Variants in TEX26 observed in about 807,000 individuals in gnomAD.
TEX26 encodes testis-expressed protein 26.
Under a neutral mutation model 35.3 loss-of-function variants are expected in TEX26, and 34 were observed. That is an observed-to-expected ratio of 0.96 (90% CI 0.73 to 1.28). TEX26 has a LOEUF of 1.28. Ranked by LOEUF, TEX26 falls within the 50% of genes most tolerant of loss-of-function variation. TEX26 has a pLI of 0.00. For synonymous variants in TEX26, 136 were observed against 111.8 expected (o/e 1.22, Z -1.36); for missense variants, 371 against 330.1 (o/e 1.12, Z -0.96).
rs1954628689 is a variant in TEX26 at position 30,968,940 on chromosome 13, C to A, written c.702C>A (p.Thr234=). The change falls in exon 6 of 7, where the codon ACC becomes ACA. Residue 234 remains threonine (T), a synonymous_variant. Coordinates refer to ENST00000380473, the MANE Select transcript of TEX26 (RefSeq NM_152325.3). ...LRNQEHTKKQ[T]TYQSDYDKTY... is the part of the protein sequence containing the mutation. ...ACCAAGAGCACACAAAGAAACAGAC[C>A]ACATACCAAAGTGACTACGACAAAA... 1.2e-6 allele frequency: 2 copies of A among 1,613,940 alleles called. No individual in the cohort carries two copies. The highest frequency in any genetic ancestry group is 1.3e-5 in the African/African-American group (1 of 74,900).
At chr13:30,963,240 T>C (rs1593596591) in intron 4 of TEX26, among the ~76,000 whole-genome samples, 1 of 152,248 alleles carries the variant, frequency 6.6e-6, no homozygotes, top group East Asian at 1.9e-4. Flanking sequence ...GGCTAAACCA[T>C]TCCAGTTTTA....
At chr13:30,954,083 A>G (rs1040728047) in intron 3 of TEX26, among the ~76,000 whole-genome samples, 1 of 152,102 alleles carries the variant, frequency 6.6e-6, no homozygotes, top group African/African-American at 2.4e-5. Context: ...AGTTGAAGAC[A>G]TGTTGGTTGA....
chr13:30,955,862 G>T (rs1335003395), intron 3 of TEX26, among the ~76,000 whole-genome samples: 11 of 152,132 alleles, frequency 7.2e-5, no homozygotes, highest in Non-Finnish European at 1.0e-4. Context: ...GAGTGCAGGT[G>T]CGGTGGCTGG....
At chr13:30,974,069 C>T (rs913427925) in intron 6 of TEX26, among the ~76,000 whole-genome samples, 1 of 144,924 alleles carries the variant, frequency 6.9e-6, no homozygotes, top group Non-Finnish European at 1.5e-5. Context: ...TGCAGTGAGC[C>T]GAGATCGCAC....
At chr13:30,932,947 C>G (rs1447010478) in intron 1 of TEX26, 171 bp downstream of exon 1, 4 of 647,288 alleles carry the variant, frequency 6.2e-6, no homozygotes, top group Non-Finnish European at 5.1e-6. Flanking sequence ...GCCTTCATGA[C>G]GCTGCCCCTT....
At chr13:30,967,152 G>A (rs1030825302) in intron 5 of TEX26, among the ~76,000 whole-genome samples, 1 of 152,186 alleles carries the variant, frequency 6.6e-6, no homozygotes, top group African/African-American at 2.4e-5. Flanking sequence ...CCGTGACCAA[G>A]CCACCTCCAA....
intron 2 of TEX26, among the ~76,000 whole-genome samples, chr13:30,952,001 ATTTTTTTTTTTTTTTTTTTTTTTTTTT>A (rs751918742): frequency 3.7e-4 from 19 of 50,718 alleles, no homozygotes; most frequent in African/African-American, 1.2e-3. Flanking sequence ...TTATTCTGGG[ATTTTTTTTTTTTTTTTTTTTTTTTTTT>A]TTTTTTTTTT....
chr13:30,969,006 C>G lies in TEX26; in HGVS notation c.768C>G (p.Ser256=), dbSNP rs1301339010. The change falls in exon 6 of 7, where the codon TCC becomes TCG. Residue 256 remains serine (S), a synonymous_variant. Coordinates refer to ENST00000380473, the MANE Select transcript of TEX26 (RefSeq NM_152325.3). ...TAATGCTTTTAAACTCATTTACTTC[C>G]TCTCAAGTCAAAGAGTACCTTCAGA... The part of the protein sequence containing the change: ...DFLMLLNSFT[S]SQVKEYLQSL... The G allele has an allele frequency of 6.2e-7, 1 of 1,613,926 alleles. No individual in the cohort carries two copies. The highest frequency in any genetic ancestry group is 1.3e-5 in the African/African-American group (1 of 74,920).
intron 4 of TEX26, among the ~76,000 whole-genome samples, chr13:30,961,226 T>A (rs1337634828): frequency 6.6e-6 from 1 of 152,182 alleles, no homozygotes; most frequent in East Asian, 1.9e-4. Context: ...TGTCCCTCAG[T>A]CCAGAGCTTC....
At chr13:30,935,957 A>T (rs1953258442) in intron 1 of TEX26, among the ~76,000 whole-genome samples, 1 of 152,234 alleles carries the variant, frequency 6.6e-6, no homozygotes, top group African/African-American at 2.4e-5. Flanking sequence ...TCTTATAAGC[A>T]CACTTGTAAT....
intron 4 of TEX26, among the ~76,000 whole-genome samples, chr13:30,959,298 C>G (rs1954251843): frequency 6.6e-6 from 1 of 152,146 alleles, no homozygotes; most frequent in South Asian, 2.1e-4. Context: ...CATTGGCAGT[C>G]AATTTCAATC....
intron 1 of TEX26, 118 bp downstream of exon 1, chr13:30,932,894 T>G: frequency 8.9e-7 from 1 of 1,126,830 alleles, no homozygotes; most frequent in Non-Finnish European, 1.2e-6. Flanking sequence ...CTTAGGAGTA[T>G]GCTCAACTGA....
chr13:30,964,302 C>T lies in TEX26; in HGVS notation c.470-1920C>T, dbSNP rs202169804. Among the ~76,000 whole-genome samples, 11 of 151,810 alleles carry T rather than the reference C, an allele frequency of 7.2e-5. No homozygotes were observed. The East Asian group carries it at 2.2e-3, about 30-fold the overall frequency. ...GGTCAGCAGATGTATTCTGAGAGACCCTTCCCAGGTGATTCTGATGTCATA... is the reference window on the plus strand; with the variant it reads ...GGTCAGCAGATGTATTCTGAGAGACTCTTCCCAGGTGATTCTGATGTCATA... On this transcript the variant is annotated intron_variant, in intron 4 of 6. Coordinates refer to ENST00000380473, the MANE Select transcript of TEX26 (RefSeq NM_152325.3).
At chr13:30,947,371 A>AT (rs1953751035) in intron 2 of TEX26, among the ~76,000 whole-genome samples, 1 of 151,920 alleles carries the variant, frequency 6.6e-6, no homozygotes, top group African/African-American at 2.4e-5. Context: ...AACTTTGTTC[A>AT]TATATATATA....
At chr13:30,936,683 T>A (rs548609795) in intron 1 of TEX26, 1 of 985,432 alleles carries the variant, frequency 1.0e-6, no homozygotes, top group East Asian at 1.1e-4. Flanking sequence ...CAAGACTCTG[T>A]GTCCCAGTGC....
At chr13:30,952,612 A>C (rs757769152) in intron 2 of TEX26, 48 bp from the exon 3 acceptor site, 9 of 1,469,236 alleles carry the variant, frequency 6.1e-6, no homozygotes, top group Non-Finnish European at 8.2e-6. Flanking sequence ...CTTTTGTGAG[A>C]TTTGGTATTT....
intron 6 of TEX26, among the ~76,000 whole-genome samples, chr13:30,971,136 A>C (rs1285508290): frequency 6.6e-6 from 1 of 152,156 alleles, no homozygotes; most frequent in African/African-American, 2.4e-5. Flanking sequence ...CCCACTCATC[A>C]ATGCCAGCTT....
chr13:30,974,739 G>A (rs1954827072), intron 6 of TEX26, 107 bp from the exon 7 acceptor site: 4 of 1,138,208 alleles, frequency 3.5e-6, no homozygotes, highest in Non-Finnish European at 1.2e-6. Context: ...CCAAATTTGT[G>A]TATTTAGTAA....
intron 2 of TEX26, among the ~76,000 whole-genome samples, chr13:30,949,186 C>A (rs952696072): frequency 1.3e-5 from 2 of 152,140 alleles, no homozygotes; most frequent in Non-Finnish European, 2.9e-5. Context: ...ATGCCTCAAG[C>A]TTTGACTTTC....
Sources: allele counts gnomAD v4.1 joint callset (sites outside exome capture counted in the v4.1 genomes callset), GRCh38; gene constraint gnomAD v4.1.1; transcripts MANE v1.5; gene names NCBI Gene and HGNC (gene_info 2026-07-23, HGNC 2026-07-21).